GET1: variants seen among roughly 807,000 people sequenced by gnomAD.
GET1 encodes guided entry of tail-anchored proteins factor 1.
A neutral mutation model predicts 22.6 loss-of-function variants in GET1; 20 were observed. That is an observed-to-expected ratio of 0.89 (90% CI 0.62 to 1.29). GET1 has a LOEUF of 1.29. Ranked by LOEUF, GET1 falls within the 50% of genes most tolerant of loss-of-function variation. The probability of loss-of-function intolerance (pLI) is 0.00; values close to 1 mark genes in which losing one functional copy is unlikely to be tolerated. For missense variants in GET1, 209 were observed against 219.9 expected, an observed-to-expected ratio of 0.95 and a Z score of 0.31; for synonymous variants, 92 against 83.8, an observed-to-expected ratio of 1.10 and a Z score of -0.53.
chr21:39,392,721 A>G (rs375117970), intron 3 of GET1, among the ~76,000 whole-genome samples: 52 of 152,068 alleles, frequency 3.4e-4, no homozygotes, highest in African/African-American at 1.1e-3. Flanking sequence ...AGAATTCACT[A>G]TTTTTTCCAA....
intron 1 of GET1, among the ~76,000 whole-genome samples, chr21:39,387,225 C>G (rs964891093): frequency 3.9e-5 from 6 of 152,250 alleles, no homozygotes; most frequent in Admixed American, 2.6e-4. Context: ...TTTTGTTAAC[C>G]TTACAAAGCT....
chr21:39,409,765 G>A (rs1040353585), downstream of GET1, among the ~76,000 whole-genome samples: 3 of 152,008 alleles, frequency 2.0e-5, no homozygotes, highest in Non-Finnish European at 4.4e-5. This position sits in a 1 kb window ranked among gnomAD's most constrained non-coding sequence, Gnocchi z 4.2. Context: ...GTTAAGTTTT[G>A]TATTTTTTAG....
At chr21:39,382,944 AT>A (rs957443670) in intron 1 of GET1, among the ~76,000 whole-genome samples, 6 of 151,770 alleles carry the variant, frequency 4.0e-5, no homozygotes, top group Non-Finnish European at 8.8e-5. Flanking sequence ...TATTCTTTTT[AT>A]TTTTTTATTT....
chr21:39,419,245 C>T (rs1202451048), intron 1 of GET1, among the ~76,000 whole-genome samples: 1 of 152,098 alleles, frequency 6.6e-6, no homozygotes, highest in African/African-American at 2.4e-5. Context: ...AAAGATCAGG[C>T]TGGGTGTGGT....
intron 1 of GET1, among the ~76,000 whole-genome samples, chr21:39,384,935 C>G (rs1381745658): frequency 2.6e-5 from 4 of 152,118 alleles, no homozygotes; most frequent in Non-Finnish European, 5.9e-5. Flanking sequence ...ATTATTATCC[C>G]AGCAGAGTAC....
At chr21:39,410,071 T>G, downstream of GET1, 1 of 1,611,430 alleles carries the variant, frequency 6.2e-7, no homozygotes, top group Non-Finnish European at 8.5e-7. Flanking sequence ...TTCTTTATGA[T>G]CGATGTTTCC....
chr21:39,413,921 C>G (rs8130381), intron 1 of GET1: 75,954 of 151,474 alleles, frequency 0.5, 19,457 homozygotes, highest in East Asian at 0.67. Context: ...AGAACAACAA[C>G]AAGAGGCTGC....
intron 1 of GET1, chr21:39,387,995 T>G (rs1311175620): frequency 5.3e-6 from 2 of 373,980 alleles, no homozygotes; most frequent in Non-Finnish European, 7.4e-6. Context: ...TTATATACAG[T>G]CAATACCGAT....
chr21:39,399,506 G>A (rs1004519052), downstream of GET1, among the ~76,000 whole-genome samples: 9 of 151,888 alleles, frequency 5.9e-5, no homozygotes, highest in Middle Eastern at 3.2e-3. Context: ...GTGCAGTGGC[G>A]CGATCTCGGC....
chr21:39,389,788 G>A (rs569192461), intron 1 of GET1, among the ~76,000 whole-genome samples: 1 of 152,260 alleles, frequency 6.6e-6, no homozygotes, highest in Admixed American at 6.5e-5. Context: ...ATTCTGCCCT[G>A]GGCCCCTGCC....
At chr21:39,391,969 T>C (rs2837001) in intron 3 of GET1, 133 bp downstream of exon 3, 531,660 of 766,142 alleles carry the variant, frequency 0.69, 186,183 homozygotes, top group East Asian at 0.8. Flanking sequence ...CCTGCCCACA[T>C]GGAGCTCTAA....
chr21:39,384,279 CAG>C (rs2037744695), intron 1 of GET1, among the ~76,000 whole-genome samples: 1 of 151,144 alleles, frequency 6.6e-6, no homozygotes, highest in Non-Finnish European at 1.5e-5. Context: ...TTTTTTGAGA[CAG>C]AGTTTTGCTC....
intron 1 of GET1, among the ~76,000 whole-genome samples, chr21:39,382,857 C>T (rs1009391712): frequency 3.9e-5 from 6 of 152,170 alleles, no homozygotes; most frequent in Admixed American, 2.6e-4. Context: ...CCACACCATT[C>T]GACATTCTCA....
chr21:39,389,838 G>C (rs1162424249), intron 1 of GET1, among the ~76,000 whole-genome samples: 1 of 152,136 alleles, frequency 6.6e-6, no homozygotes, highest in East Asian at 1.9e-4. Flanking sequence ...GCTCTGCCCC[G>C]TCTAATCTAG....
chr21:39,422,695 C>G (rs1036170406), intron 1 of GET1: 17 of 497,516 alleles, frequency 3.4e-5, no homozygotes, highest in Non-Finnish European at 5.6e-5. Context: ...TGTAGCTGTG[C>G]TCTCTTAGAG....
At chr21:39,408,526 C>G (rs1437842874), downstream of GET1, 2 of 152,336 alleles carry the variant, frequency 1.3e-5, no homozygotes, top group African/African-American at 2.4e-5. Context: ...CCTCCAGGTC[C>G]CAAACACCAG....
chr21:39,397,255 G>C lies in GET1; in HGVS notation c.*316G>C, dbSNP rs1378484091. ...GTGATTTGCCCTCTTATGTATTTTGGTCATATTGCCAACTGGAAAGTCAAA... is the reference window on the plus strand; with the variant it reads ...GTGATTTGCCCTCTTATGTATTTTGCTCATATTGCCAACTGGAAAGTCAAA... On this transcript the variant is annotated 3_prime_UTR_variant, in exon 5 of 5. Coordinates refer to ENST00000649170, the MANE Select transcript of GET1 (RefSeq NM_004627.6). 1 of 237,106 alleles carries C rather than the reference G, an allele frequency of 4.2e-6. No homozygotes were observed. The highest frequency in any genetic ancestry group is 8.1e-6 in the Non-Finnish European group (1 of 123,714). The allele number at this position is 237,106 out of a possible 1,614,324, so 14.7% of individuals were successfully genotyped here.
chr21:39,380,513 G>C, intron 1 of GET1, 27 bp downstream of exon 1: 1 of 1,596,170 alleles, frequency 6.3e-7, no homozygotes, highest in Non-Finnish European at 8.5e-7. Context: ...CCTCCCAAGG[G>C]CCGGTGGGGA....
chr21:39,428,252 T>C (rs1318963015), exon 2 of GET1: 2 of 1,605,542 alleles, frequency 1.2e-6, no homozygotes. Context: ...ATAATTTCTA[T>C]TAATAGCCTT....
Sources: gnomAD v4.1 joint callset for allele counts (sites outside exome capture counted in the v4.1 genomes callset) on GRCh38, gnomAD v4.1.1 for gene constraint, Gnocchi (gnomAD v3.1) non-coding constraint, MANE v1.5 for transcripts, NCBI Gene and HGNC (gene_info 2026-07-23, HGNC 2026-07-21) for gene names.